PSMD6: variants seen among roughly 807,000 people sequenced by gnomAD.
The protein encoded by PSMD6 is proteasome 26S subunit, non-ATPase 6, also known as 26S proteasome non-ATPase regulatory subunit 6.
In PSMD6, 7 loss-of-function variants were observed where a neutral mutation model predicts 44.9. That is an observed-to-expected ratio of 0.16 (90% confidence interval 0.09 to 0.29). The LOEUF (loss-of-function observed/expected upper bound fraction) is 0.29, where lower values mean the gene tolerates loss of function less well. Ranked by LOEUF, PSMD6 falls within the 10% of genes least tolerant of loss-of-function variation. PSMD6 has a pLI of 1.00. For synonymous variants in PSMD6, 184 were observed against 172.7 expected (o/e 1.07, Z -0.51); for missense variants, 420 against 482.6 (o/e 0.87, Z 1.21).
chr3:64,015,790 TAAAG>T (rs1237287909), intron 5 of PSMD6: 2 of 152,234 alleles, frequency 1.3e-5, no homozygotes, highest in African/African-American at 4.8e-5. Context: ...GATCAGATAT[TAAAG>T]AAAGCCTTTT....
In PSMD6 at chr3:64,010,769, AAAT is replaced by A. The variant is rs754508395; in HGVS notation, c.1074-8_1074-6del. 6 of 1,593,326 alleles carry A rather than the reference AAAT, an allele frequency of 3.8e-6. No individual in the cohort carries two copies. In the South Asian group the frequency reaches 5.6e-5, roughly 15 times the overall value. The stretch of plus-strand genomic sequence containing the variant: ...TGCCAGTTCTTGCTATCAGGTCTAT[AAAT>A]AAATTCAAGAAAAAATGAATTATTT... On this transcript the variant is annotated splice_polypyrimidine_tract_variant and splice_region_variant and intron_variant, in intron 7 of 7. Coordinates refer to ENST00000295901, the MANE Select transcript of PSMD6 (RefSeq NM_014814.3).
intron 2 of PSMD6, 28 bp from the exon 3 acceptor site, chr3:64,019,469 A>G (rs1006541336): frequency 6.3e-7 from 1 of 1,594,790 alleles, no homozygotes; most frequent in Non-Finnish European, 8.5e-7. Context: ...GCAATAGGTG[A>G]GAAAAGGCTA....
At chr3:64,019,639 A>AAGTTTAAAAAAT (rs1435674847) in intron 2 of PSMD6, 198 bp from the exon 3 acceptor site, 2 of 488,558 alleles carry the variant, frequency 4.1e-6, no homozygotes, top group Non-Finnish European at 6.9e-6. Flanking sequence ...TACCTGTATA[A>AAGTTTAAAAAAT]AGTTTAAAAA....
chr3:64,018,482 T>C (rs2106864465), intron 5 of PSMD6, 117 bp downstream of exon 5: 1 of 726,932 alleles, frequency 1.4e-6, no homozygotes, highest in South Asian at 2.0e-5. Context: ...ATCAAAGACA[T>C]GCAGCTACCT....
At chr3:64,023,833 C>T, upstream of PSMD6, 1 of 1,467,972 alleles carries the variant, frequency 6.8e-7, no homozygotes. Context: ...TACTCTCATT[C>T]ATCTTATTAA....
At chr3:64,019,145 A>T in intron 3 of PSMD6, 108 bp from the exon 4 acceptor site, 1 of 1,388,892 alleles carries the variant, frequency 7.2e-7, no homozygotes, top group Non-Finnish European at 9.9e-7. Context: ...ACTTGAACCG[A>T]AAGGAGATAT....
chr3:64,011,841 G>GA (rs1158898687), intron 6 of PSMD6: 7 of 152,308 alleles, frequency 4.6e-5, no homozygotes, highest in Non-Finnish European at 1.0e-4. Context: ...CACAGAGCTG[G>GA]AAAAAGAAGC....
chr3:64,010,586 CT>C lies in PSMD6; in HGVS notation c.*81del. 9.9e-7 allele frequency: 1 copy of C among 1,006,634 alleles called. No homozygotes were observed. Among genetic ancestry groups the C allele is most frequent in the African/African-American group, 1.6e-5 (1 of 60,876 alleles). 62.4% of individuals were successfully genotyped at this position (1,006,634 alleles called of 1,614,324 possible). On this transcript the variant is annotated 3_prime_UTR_variant, in exon 8 of 8. Coordinates refer to ENST00000295901, the MANE Select transcript of PSMD6 (RefSeq NM_014814.3). ...ACAATGCAGTATTTATTTTATACAG[CT>C]GACCTGGGCACATTGTGAAGTAAGC...
intron 6 of PSMD6, chr3:64,012,202 G>A (rs186858762): frequency 3.3e-5 from 5 of 152,156 alleles, no homozygotes; most frequent in South Asian, 2.1e-4. Flanking sequence ...ATGGATGTTC[G>A]AAATTTAAAA....
At chr3:64,013,308 G>C (rs1197212652) in intron 6 of PSMD6, 131 bp downstream of exon 6, 76 of 895,016 alleles carry the variant, frequency 8.5e-5, no homozygotes, top group Non-Finnish European at 1.2e-4. Context: ...TGATAATACT[G>C]AGGAAAAAAA....
At chr3:64,020,607 A>G (rs903028079) in intron 2 of PSMD6, among the ~76,000 whole-genome samples, 4 of 152,222 alleles carry the variant, frequency 2.6e-5, no homozygotes, top group African/African-American at 9.6e-5. Flanking sequence ...TTTTACAATG[A>G]CCACGTCTTA....
In PSMD6 at chr3:64,023,315, A is replaced by G; in HGVS notation, c.105T>C (p.Ala35=). 1.3e-6 allele frequency: 2 copies of G among 1,595,102 alleles called. No homozygotes were observed. The highest frequency in any genetic ancestry group is 2.7e-5 in the African/African-American group (2 of 74,594). The change falls in exon 1 of 8, where the codon GCT becomes GCC. Residue 35 remains alanine, a synonymous_variant. Transcript: ENST00000295901. ...CCGCCATCAGCTCGTCGCGCACGGC[A>G]GCGTCTCCGCGGTGCTCGGGCAGGC... ...LLSLPEHRGD[A]AVRDELMAAV... is the part of the protein sequence containing the mutation.
chr3:64,012,173 A>AGCAAATATG (rs2075967725), intron 6 of PSMD6: 2 of 151,752 alleles, frequency 1.3e-5, no homozygotes, highest in Admixed American at 6.6e-5. Context: ...GTACTGTACA[A>AGCAAATATG]TTCTTTCTTT....
In PSMD6 at chr3:64,023,488, A is replaced by T. The variant is rs922497446; in HGVS notation, c.-69T>A. On this transcript the variant is annotated 5_prime_UTR_variant, in exon 1 of 8. Transcript: ENST00000295901. ...GACCGGCTGCGGCAGCGGAAGCGGG[A>T]GGAGTCGGCGAATACGCCCGGCCGC... 78 of 1,484,026 alleles carry T rather than the reference A, an allele frequency of 5.3e-5. No homozygotes were observed. The highest frequency in any genetic ancestry group is 6.7e-5 in the Non-Finnish European group (74 of 1,110,282). 91.9% of individuals were successfully genotyped at this position (1,484,026 alleles called of 1,614,324 possible). A position where few individuals can be genotyped will look rare whatever the true frequency, so the allele number is the denominator to read the frequency against.
intron 1 of PSMD6, 160 bp downstream of exon 1, chr3:64,023,115 C>G: frequency 1.4e-6 from 2 of 1,426,108 alleles, no homozygotes; most frequent in Non-Finnish European, 1.8e-6. Context: ...CAGGGTATCC[C>G]CAAACCAAAG....
upstream of PSMD6, chr3:64,023,910 G>A (rs1273573219): frequency 6.8e-6 from 9 of 1,322,610 alleles, no homozygotes; most frequent in Non-Finnish European, 9.3e-6. Context: ...GAGGCACAAA[G>A]AGGTTAGGGA....
At chr3:64,021,502 A>G (rs2076130779) in intron 2 of PSMD6, among the ~76,000 whole-genome samples, 1 of 152,228 alleles carries the variant, frequency 6.6e-6, no homozygotes, top group Non-Finnish European at 1.5e-5. Context: ...TTTACATATA[A>G]AATTTTACGT....
Position 64,022,511 on chromosome 3 carries a change from T to C in PSMD6, c.158A>G (p.Tyr53Cys). 6.2e-7 allele frequency: 1 copy of C among 1,613,818 alleles called. No homozygotes were observed. The highest frequency in any genetic ancestry group is 2.2e-5 in the East Asian group (1 of 44,882). The change falls in exon 2 of 8, where the codon TAC becomes TGC. Residue 53 changes from tyrosine (Y) to cysteine (C), a missense_variant. Tyr to Cys is a radical substitution (Grantham distance 194). Transcript: ENST00000295901. ...GAGGGATTTGCACAAGGCTTCATAG[T>C]AAGGAGCCATGTCTAACATGCAAAA... Reference protein sequence around the residue: ...AAVRDNNMAPYYEALCKSLDW... With the variant: ...AAVRDNNMAPCYEALCKSLDW...
At chr3:64,022,828 C>G in intron 1 of PSMD6, 1 of 1,535,102 alleles carries the variant, frequency 6.5e-7, no homozygotes, top group East Asian at 2.4e-5. Flanking sequence ...ACTTTTTATA[C>G]ACACATACTC....
Sources: allele counts gnomAD v4.1 joint callset (sites outside exome capture counted in the v4.1 genomes callset), GRCh38; gene constraint gnomAD v4.1.1; transcripts MANE v1.5; gene names NCBI Gene and HGNC (gene_info 2026-07-23, HGNC 2026-07-21).